The following STT3B variants were observed in gnomAD, a reference collection of about 807,000 sequenced individuals.
STT3B encodes the protein STT3 oligosaccharyltransferase complex catalytic subunit B.
A neutral mutation model predicts 96.8 loss-of-function variants in STT3B; 29 were observed. The observed-to-expected ratio is 0.30, with a 90% CI of 0.22 to 0.41. The LOEUF (loss-of-function observed/expected upper bound fraction) is 0.41. STT3B is among the 10% of genes least tolerant of loss of function. The pLI is 1.00. For synonymous variants in STT3B, 367 were observed against 360.0 expected (o/e 1.02, Z -0.22); for missense variants, 640 against 1,022.3 (o/e 0.63, Z 5.10).
chr3:31,629,995 C>T (rs1296126338), intron 14 of STT3B, among the ~76,000 whole-genome samples: 5 of 152,110 alleles, frequency 3.3e-5, no homozygotes, highest in Non-Finnish European at 7.3e-5. Context: ...CCTGTGTTTT[C>T]GATCAGGTTC....
chr3:31,558,030 G>T (rs572022498), intron 1 of STT3B, among the ~76,000 whole-genome samples: 2 of 152,126 alleles, frequency 1.3e-5, no homozygotes, highest in Non-Finnish European at 2.9e-5. Context: ...TGTCGATTTC[G>T]TATCCTGCAA....
intron 1 of STT3B, among the ~76,000 whole-genome samples, chr3:31,557,102 T>A (rs572342138): frequency 3.3e-5 from 5 of 152,290 alleles, no homozygotes; most frequent in Middle Eastern, 3.4e-3. Context: ...TTTCTACATA[T>A]CGATATCCAA....
rs1699765217 is a variant in STT3B at position 31,637,041 on chromosome 3, T to C, written c.*977T>C. Reference sequence around the variant, plus strand: ...CACAATGATTTTGTTCTCTGCTCCATATTTTTTAATCCCTTAAGCATTTGA... The same window carrying C: ...CACAATGATTTTGTTCTCTGCTCCACATTTTTTAATCCCTTAAGCATTTGA... On this transcript the variant is annotated 3_prime_UTR_variant, in exon 16 of 16. Coordinates refer to ENST00000295770, the MANE Select transcript of STT3B (RefSeq NM_178862.3). 1 of 152,226 alleles carries C rather than the reference T, an allele frequency of 6.6e-6. No homozygotes were observed. Among genetic ancestry groups the C allele is most frequent in the Admixed American group, 6.5e-5 (1 of 15,284 alleles). The allele number at this position is 152,226 out of a possible 1,614,324, so 9.4% of individuals were successfully genotyped here. A position where few individuals can be genotyped will look rare whatever the true frequency, so the allele number is the denominator to read the frequency against.
Position 31,533,111 on chromosome 3 carries a change from C to T in STT3B, c.113C>T (p.Ala38Val). ...CGGCACGGCCACCACGGGCCCGGGG[C>T]CCAGTGCGCGCACAAGGCGGCGGGC... ...NSRHGHHGPG[A>V]QCAHKAAGGA... is the part of the protein sequence containing the mutation. The change falls in exon 1 of 16, where the codon GCC becomes GTC. Residue 38 changes from alanine to valine, a missense_variant. Ala to Val is a moderately conservative substitution (Grantham distance 64). Coordinates refer to ENST00000295770, the MANE Select transcript of STT3B (RefSeq NM_178862.3). 2.9e-6 allele frequency: 4 copies of T among 1,400,788 alleles called. No homozygotes were observed. The highest frequency in any genetic ancestry group is 3.3e-5 in the Admixed American group (1 of 30,388). 86.8% of individuals were successfully genotyped at this position (1,400,788 alleles called of 1,614,324 possible).
At chr3:31,564,378 T>C (rs928657415) in intron 1 of STT3B, among the ~76,000 whole-genome samples, 2 of 152,236 alleles carry the variant, frequency 1.3e-5, no homozygotes, top group South Asian at 4.1e-4. Context: ...CCTTCATATT[T>C]GCCCAGAGGC....
Position 31,633,141 on chromosome 3 carries a change from A to G in STT3B, c.2394A>G (p.Ser798=). The G allele has an allele frequency of 6.2e-7, 1 of 1,613,590 alleles. No homozygotes were observed. Among genetic ancestry groups the G allele is most frequent in the Non-Finnish European group, 8.5e-7 (1 of 1,179,862 alleles). The stretch of plus-strand genomic sequence containing the variant: ...TTTTCCCAAAACAGAAGTATTTGTC[A>G]AAGAAGGTGGGTGCCAAGTGAAGGC... ...TNIFPKQKYL[S]KKTTKRKRGY... The change falls in exon 15 of 16, where the codon TCA becomes TCG. Residue 798 remains serine (S), a synonymous_variant. Transcript: ENST00000295770.
chr3:31,584,082 G>A (rs533362311), intron 3 of STT3B, among the ~76,000 whole-genome samples: 7 of 152,196 alleles, frequency 4.6e-5, no homozygotes, highest in East Asian at 1.9e-4. Context: ...GATCCATTTC[G>A]AGTTAATTTT....
At chr3:31,606,136 G>T (rs186404717) in intron 5 of STT3B, among the ~76,000 whole-genome samples, 1 of 152,272 alleles carries the variant, frequency 6.6e-6, no homozygotes, top group East Asian at 1.9e-4. Context: ...GGTGACTTGG[G>T]TACTGTTAAA....
chr3:31,631,881 G>A (rs986800058), intron 14 of STT3B, among the ~76,000 whole-genome samples: 1 of 151,732 alleles, frequency 6.6e-6, no homozygotes, highest in African/African-American at 2.4e-5. Context: ...CCCGAGACAG[G>A]ATCTCACTCT....
Position 31,533,247 on chromosome 3 carries a change from C to A in STT3B, c.249C>A (p.Ala83=). 1.3e-6 allele frequency: 2 copies of A among 1,509,824 alleles called. No homozygotes were observed. Among genetic ancestry groups the A allele is most frequent in the Admixed American group, 2.1e-5 (1 of 46,720 alleles). The allele number at this position is 1,509,824 out of a possible 1,614,324, so 93.5% of individuals were successfully genotyped here. ...SFTILFLAWL[A]GFSSRLFAVI... ...CCATCCTCTTCCTGGCCTGGCTTGC[C>A]GGCTTCAGCTCGCGCCTCTTCGCCG... is the stretch of plus-strand genomic sequence containing the variant. The change falls in exon 1 of 16, where the codon GCC becomes GCA. Residue 83 remains alanine, a synonymous_variant. Coordinates refer to ENST00000295770, the MANE Select transcript of STT3B (RefSeq NM_178862.3).
intron 15 of STT3B, among the ~76,000 whole-genome samples, chr3:31,634,056 G>A (rs1364123164): frequency 2.0e-5 from 3 of 151,978 alleles, no homozygotes; most frequent in African/African-American, 4.8e-5. Flanking sequence ...GAATATTAAC[G>A]GTGTGATATG....
intron 1 of STT3B, among the ~76,000 whole-genome samples, chr3:31,546,915 T>C (rs1417997230): frequency 6.6e-6 from 1 of 152,200 alleles, no homozygotes; most frequent in African/African-American, 2.4e-5. Context: ...GGCCTTGAAG[T>C]CAGCCTCCAG....
At chr3:31,570,885 A>C (rs1463626689) in intron 1 of STT3B, among the ~76,000 whole-genome samples, 2 of 152,108 alleles carry the variant, frequency 1.3e-5, no homozygotes, top group Non-Finnish European at 2.9e-5. Context: ...GACCAGGGTG[A>C]CCAGATACCC....
rs779558036 is a variant in STT3B at position 31,533,351 on chromosome 3, G to A, written c.314+39G>A. 7 of 1,449,252 alleles carry A rather than the reference G, an allele frequency of 4.8e-6. No individual in the cohort carries two copies. In the South Asian group the frequency reaches 6.7e-5, roughly 14 times the overall value. The allele number at this position is 1,449,252 out of a possible 1,614,324, so 89.8% of individuals were successfully genotyped here. A position where few individuals can be genotyped will look rare whatever the true frequency, so the allele number is the denominator to read the frequency against. ...CGCCCCTCCCCCGCCCGTGGCCCGC[G>A]GGGAACCGGGACCCGCTCCTCCGCC... On this transcript the variant is annotated intron_variant, in intron 1 of 15. Transcript: ENST00000295770.
intron 13 of STT3B, among the ~76,000 whole-genome samples, chr3:31,628,306 C>G (rs550544395): frequency 2.0e-5 from 3 of 152,078 alleles, no homozygotes; most frequent in Non-Finnish European, 4.4e-5. Context: ...ATACCCTGTT[C>G]ACTTCATAAT....
intron 1 of STT3B, among the ~76,000 whole-genome samples, chr3:31,569,765 C>T (rs563536933): frequency 1.3e-5 from 2 of 152,054 alleles, no homozygotes; most frequent in East Asian, 1.9e-4. Flanking sequence ...TATTTCTAAG[C>T]CAGTTCACCT....
intron 1 of STT3B, among the ~76,000 whole-genome samples, chr3:31,543,067 C>CACAA (rs1553601791): frequency 6.4e-5 from 7 of 109,470 alleles, no homozygotes; most frequent in Non-Finnish European, 1.0e-4. Context: ...CTCCATCTCA[C>CACAA]AAAAAAAAAA....
chr3:31,570,999 G>A (rs1392956807), intron 1 of STT3B, among the ~76,000 whole-genome samples: 2 of 152,124 alleles, frequency 1.3e-5, no homozygotes, highest in Non-Finnish European at 2.9e-5. Context: ...CTGTAACTGG[G>A]CAGTCCAGGC....
chr3:31,533,857 C>G (rs1342500145), intron 1 of STT3B, among the ~76,000 whole-genome samples: 1 of 152,246 alleles, frequency 6.6e-6, no homozygotes, highest in African/African-American at 2.4e-5. Context: ...GCTGCTCACC[C>G]TTGCAGTTTT....
Sources: gnomAD v4.1 joint callset for allele counts (sites outside exome capture counted in the v4.1 genomes callset) on GRCh38, gnomAD v4.1.1 for gene constraint, MANE v1.5 for transcripts, NCBI Gene and HGNC (gene_info 2026-07-23, HGNC 2026-07-21) for gene names.